The following ASH1L variants were observed in gnomAD, a reference collection of about 807,000 sequenced individuals.
The protein encoded by ASH1L is histone-lysine N-methyltransferase ASH1L.
ASH1L carries 23 observed loss-of-function variants against 269.0 expected under a neutral mutation model. The observed-to-expected ratio is 0.09, with a 90% CI of 0.06 to 0.12. The LOEUF (loss-of-function observed/expected upper bound fraction) is 0.12. Ranked by LOEUF, ASH1L falls within the 10% of genes least tolerant of loss-of-function variation. ASH1L has a pLI of 1.00. For synonymous variants in ASH1L, 1,187 were observed against 1,253.5 expected, an observed-to-expected ratio of 0.95 and a Z score of 1.12; for missense variants, 2,912 against 3,567.8, an observed-to-expected ratio of 0.82 and a Z score of 4.68.
At chr1:155,395,617 C>A in intron 6 of ASH1L, 64 bp from the exon 7 acceptor site, 1 of 1,116,124 alleles carries the variant, frequency 9.0e-7, no homozygotes, top group Non-Finnish European at 1.3e-6. Context: ...TGGTCAAATA[C>A]AGATAACAGA....
At chr1:155,354,789 T>G (rs1056588811) in intron 15 of ASH1L, among the ~76,000 whole-genome samples, 159 bp from the exon 16 acceptor site, 1 of 152,258 alleles carries the variant, frequency 6.6e-6, no homozygotes, top group African/African-American at 2.4e-5. Context: ...TATCTTCAAT[T>G]TTTTTACATT....
rs1383165214 is a variant in ASH1L at position 155,462,359 on chromosome 1, T to C, written c.4985-2461A>G. On this transcript the variant is annotated intron_variant, in intron 3 of 27. Transcript: ENST00000392403. ...GCTATTTGGTAGTGTTTCCTGAATTTCTTGGTCATCTTCAAGAAAGTCTTG... is the reference window on the plus strand; with the variant it reads ...GCTATTTGGTAGTGTTTCCTGAATTCCTTGGTCATCTTCAAGAAAGTCTTG... 2.0e-5 allele frequency among the ~76,000 whole-genome samples: 3 copies of C among 152,208 alleles called. No homozygotes were observed. The East Asian group carries it at 5.8e-4, about 29-fold the overall frequency.
At chr1:155,377,420 T>C (rs1174126308) in intron 10 of ASH1L, among the ~76,000 whole-genome samples, 1 of 152,076 alleles carries the variant, frequency 6.6e-6, no homozygotes, top group Non-Finnish European at 1.5e-5. Context: ...GCTAGGAAGG[T>C]ACCTAGGACT....
Position 155,378,461 on chromosome 1 carries a change from T to C in ASH1L, c.6223+42A>G, listed in dbSNP as rs376377012. The C allele has an allele frequency of 1.7e-5, 28 of 1,610,852 alleles. No individual in the cohort carries two copies. The African/African-American group carries it at 3.2e-4, about 18-fold the overall frequency. On this transcript the variant is annotated intron_variant, in intron 9 of 27. Coordinates refer to ENST00000392403, the MANE Select transcript of ASH1L (RefSeq NM_018489.3). The stretch of plus-strand genomic sequence containing the variant: ...TTCAAGTGCTAGGCTCAGAAGAACA[T>C]TAACGTATAGAGGCAGAAAAAATAG...
intron 2 of ASH1L, among the ~76,000 whole-genome samples, chr1:155,492,815 T>C (rs1666896075): frequency 6.6e-6 from 1 of 152,030 alleles, no homozygotes. Context: ...TTAACTCACA[T>C]GCCATAAAAT....
intron 3 of ASH1L, among the ~76,000 whole-genome samples, chr1:155,468,391 T>C (rs1363426512): frequency 6.6e-6 from 1 of 152,110 alleles, no homozygotes; most frequent in Non-Finnish European, 1.5e-5. Flanking sequence ...CTCTGTTCTT[T>C]AAAAGTCAGC....
chr1:155,545,175 CAAAAAAAAA>C (rs10624841), intron 1 of ASH1L, among the ~76,000 whole-genome samples: 7 of 21,766 alleles, frequency 3.2e-4, no homozygotes, highest in South Asian at 4.6e-3. Flanking sequence ...TCCATCTCAC[CAAAAAAAAA>C]AAAAAAAAAA....
chr1:155,452,537 T>G (rs369582663), intron 4 of ASH1L, among the ~76,000 whole-genome samples: 1 of 151,842 alleles, frequency 6.6e-6, no homozygotes, highest in East Asian at 1.9e-4. Flanking sequence ...ACTTTAGCCC[T>G]GCTAAGGTGT....
At chr1:155,488,512 A>C (rs1666491905) in intron 2 of ASH1L, among the ~76,000 whole-genome samples, 3 of 148,426 alleles carry the variant, frequency 2.0e-5, no homozygotes, top group Admixed American at 2.0e-4. Flanking sequence ...CAAAAAAAAA[A>C]AAAAAAAAAA....
chr1:155,470,484 A>C (rs957204446), intron 3 of ASH1L, among the ~76,000 whole-genome samples: 3 of 151,764 alleles, frequency 2.0e-5, no homozygotes, highest in African/African-American at 4.8e-5. Flanking sequence ...AAAAAACAAA[A>C]AAAAAAACTG....
intron 25 of ASH1L, among the ~76,000 whole-genome samples, chr1:155,339,741 A>C (rs1234264851): frequency 3.3e-5 from 5 of 152,212 alleles, no homozygotes; most frequent in Admixed American, 3.3e-4. Flanking sequence ...CCTACTATAC[A>C]CCTAGGCTAT....
intron 7 of ASH1L, among the ~76,000 whole-genome samples, chr1:155,388,575 T>TG (rs1428877255): frequency 6.6e-6 from 1 of 152,138 alleles, no homozygotes; most frequent in East Asian, 1.9e-4. Flanking sequence ...CCCAAAGTGC[T>TG]GGGATTATAG....
intron 2 of ASH1L, among the ~76,000 whole-genome samples, chr1:155,517,166 T>C (rs188001490): frequency 6.6e-6 from 1 of 152,142 alleles, no homozygotes; most frequent in East Asian, 1.9e-4. Flanking sequence ...AATAACAAAG[T>C]TGGAGGACTC....
At chr1:155,378,225 GTGT>G in intron 10 of ASH1L, 53 bp downstream of exon 10, 1 of 1,334,996 alleles carries the variant, frequency 7.5e-7, no homozygotes, top group Admixed American at 1.7e-5. Flanking sequence ...TCCAAAGGAA[GTGT>G]TGTATGTATA....
intron 2 of ASH1L, among the ~76,000 whole-genome samples, chr1:155,509,855 A>C (rs1460347703): frequency 6.6e-6 from 1 of 152,192 alleles, no homozygotes; most frequent in African/African-American, 2.4e-5. Context: ...ATTTGGAAAG[A>C]GATAAATTTG....
At chr1:155,446,291 A>T (rs918338186) in intron 4 of ASH1L, among the ~76,000 whole-genome samples, 10 of 150,718 alleles carry the variant, frequency 6.6e-5, no homozygotes, top group African/African-American at 2.4e-4. Context: ...ATTTCAATTA[A>T]TTAATTAAAT....
chr1:155,501,482 T>C (rs1667496562), intron 2 of ASH1L, among the ~76,000 whole-genome samples: 1 of 152,162 alleles, frequency 6.6e-6, no homozygotes, highest in African/African-American at 2.4e-5. Flanking sequence ...GTGATTATCG[T>C]ACTCCATCCC....
At chr1:155,436,253 A>T (rs1008585272) in intron 5 of ASH1L, among the ~76,000 whole-genome samples, 1 of 151,992 alleles carries the variant, frequency 6.6e-6, no homozygotes, top group Non-Finnish European at 1.5e-5. Context: ...GTGATGGTGC[A>T]ATCTCGGCTC....
At chr1:155,429,811 GTTT>G (rs1661468344) in intron 5 of ASH1L, among the ~76,000 whole-genome samples, 1 of 151,936 alleles carries the variant, frequency 6.6e-6, no homozygotes, top group South Asian at 2.1e-4. Flanking sequence ...TCTCTTATTT[GTTT>G]TTTAAGACAG....
Sources: gnomAD v4.1 joint callset for allele counts (sites outside exome capture counted in the v4.1 genomes callset) on GRCh38, gnomAD v4.1.1 for gene constraint, MANE v1.5 for transcripts, NCBI Gene and HGNC (gene_info 2026-07-23, HGNC 2026-07-21) for gene names.